The following WDR72 variants were observed in gnomAD, a reference collection of about 807,000 sequenced individuals.
The protein encoded by WDR72 is WD repeat-containing protein 72.
Under a neutral mutation model 124.2 loss-of-function variants are expected in WDR72, and 120 were observed. That is an observed-to-expected ratio of 0.97 (90% CI 0.83 to 1.12). The LOEUF (loss-of-function observed/expected upper bound fraction) is 1.12, where lower values mean the gene tolerates loss of function less well. WDR72 is among the 50% of genes most tolerant of loss of function. The pLI is 0.00. For missense variants in WDR72, 1,387 were observed against 1,278.8 expected, an observed-to-expected ratio of 1.08 and a Z score of -1.29; for synonymous variants, 452 against 441.7, an observed-to-expected ratio of 1.02 and a Z score of -0.29.
rs532441166 is a variant in WDR72 at position 53,531,194 on chromosome 15, T to C, written c.3149-7872A>G. ...TACTCTGAATGTGACTTATTTTTAT[T>C]TGAATGACATCAAAGTGGTATGTTA... On this transcript the variant is annotated intron_variant, in intron 18 of 19. Coordinates refer to ENST00000360509, the MANE Select transcript of WDR72 (RefSeq NM_182758.4). Among the ~76,000 whole-genome samples the C allele has an allele frequency of 7.2e-5, 11 of 152,202 alleles. No homozygotes were observed. The East Asian group carries it at 1.9e-3, about 27-fold the overall frequency.
chr15:53,649,920 T>C (rs1326112504), intron 14 of WDR72, among the ~76,000 whole-genome samples: 1 of 152,154 alleles, frequency 6.6e-6, no homozygotes, highest in African/African-American at 2.4e-5. Context: ...AACTACCATA[T>C]GGTCCAGCAA....
intron 18 of WDR72, among the ~76,000 whole-genome samples, chr15:53,554,366 C>A (rs960521972): frequency 1.3e-5 from 2 of 151,802 alleles, no homozygotes; most frequent in Non-Finnish European, 2.9e-5. Flanking sequence ...TTTAGAGAAA[C>A]CCTCACCATA....
chr15:53,728,065 C>A (rs1008150479), intron 2 of WDR72, among the ~76,000 whole-genome samples: 2 of 152,296 alleles, frequency 1.3e-5, no homozygotes, highest in African/African-American at 4.8e-5. Context: ...TCTGTTTTCA[C>A]ACCGCTGATA....
chr15:53,534,684 A>G (rs571552620), intron 18 of WDR72, among the ~76,000 whole-genome samples: 22 of 152,256 alleles, frequency 1.4e-4, no homozygotes, highest in African/African-American at 5.3e-4. Flanking sequence ...TATATATAAA[A>G]TGTGTCTCCA....
chr15:53,607,112 G>C (rs770513720), intron 17 of WDR72, among the ~76,000 whole-genome samples: 1 of 151,958 alleles, frequency 6.6e-6, no homozygotes, highest in African/African-American at 2.4e-5. Flanking sequence ...TCGAATCAAC[G>C]CACAACTATT....
chr15:53,529,165 T>TA (rs1555404361), intron 18 of WDR72, among the ~76,000 whole-genome samples: 3,147 of 88,826 alleles, frequency 0.035, 143 homozygotes, highest in East Asian at 0.24. Context: ...TATATATATA[T>TA]TTTTTTTTTT....
chr15:53,659,984 A>C (rs2015555338), intron 14 of WDR72, among the ~76,000 whole-genome samples: 1 of 152,086 alleles, frequency 6.6e-6, no homozygotes, highest in Non-Finnish European at 1.5e-5. Context: ...TTACAGAGGA[A>C]AATGACTGTT....
At chr15:53,601,011 A>G (rs906897681) in intron 17 of WDR72, among the ~76,000 whole-genome samples, 2 of 152,170 alleles carry the variant, frequency 1.3e-5, no homozygotes, top group African/African-American at 4.8e-5. Flanking sequence ...CTTAAAGGTA[A>G]ACATTCAACT....
intron 14 of WDR72, among the ~76,000 whole-genome samples, chr15:53,639,083 A>G (rs2014734649): frequency 1.3e-5 from 2 of 152,174 alleles, no homozygotes; most frequent in South Asian, 4.1e-4. Flanking sequence ...TGTAATGGCA[A>G]CATTCTACCA....
intron 11 of WDR72, among the ~76,000 whole-genome samples, chr15:53,704,118 C>A (rs534359132): frequency 6.6e-6 from 1 of 152,302 alleles, no homozygotes; most frequent in African/African-American, 2.4e-5. Context: ...TATACTCACA[C>A]ATCTGTACAG....
intron 17 of WDR72, 98 bp from the exon 18 acceptor site, chr15:53,597,372 G>T: frequency 9.0e-6 from 11 of 1,223,600 alleles, no homozygotes; most frequent in Non-Finnish European, 1.3e-5. Flanking sequence ...ATTTGAATAG[G>T]TTTCCATAAA....
chr15:53,697,253 AC>A lies in WDR72; in HGVS notation c.1765+2496del, dbSNP rs202027059. 5.6e-3 allele frequency among the ~76,000 whole-genome samples: 860 copies of A among 152,284 alleles called. 7 individuals are homozygous for A. Among genetic ancestry groups the A allele is most frequent in the African/African-American group, 0.02 (817 of 41,558 alleles). On this transcript the variant is annotated intron_variant, in intron 13 of 19. Coordinates refer to ENST00000360509, the MANE Select transcript of WDR72 (RefSeq NM_182758.4). ...TCTATCGATTATTGTCCATGTGACA[AC>A]CCACTCCGTCCTTTCCTACCCTTCT...
chr15:53,578,785 T>C (rs1025668414), intron 18 of WDR72, among the ~76,000 whole-genome samples: 9 of 152,112 alleles, frequency 5.9e-5, no homozygotes, highest in Non-Finnish European at 1.0e-4. Context: ...CCCTTTTCTC[T>C]TTCAGCAACT....
intron 17 of WDR72, among the ~76,000 whole-genome samples, chr15:53,606,094 C>T (rs1331542334): frequency 6.6e-6 from 1 of 152,152 alleles, no homozygotes; most frequent in Non-Finnish European, 1.5e-5. Flanking sequence ...CCACAGCCAG[C>T]ATTTCACATA....
chr15:53,745,674 C>T (rs550282947), intron 1 of WDR72, among the ~76,000 whole-genome samples: 4 of 152,204 alleles, frequency 2.6e-5, no homozygotes, highest in South Asian at 4.1e-4. Context: ...ATAGAAAATA[C>T]GTATTTTTCA....
chr15:53,549,587 C>G (rs1893640431), intron 18 of WDR72, among the ~76,000 whole-genome samples: 1 of 152,040 alleles, frequency 6.6e-6, no homozygotes, highest in South Asian at 2.1e-4. Context: ...GCTTCAAAAA[C>G]AAGCTGATTT....
chr15:53,643,206 T>C (rs2140415013), intron 14 of WDR72, among the ~76,000 whole-genome samples: 1 of 152,288 alleles, frequency 6.6e-6, no homozygotes, highest in Non-Finnish European at 1.5e-5. Flanking sequence ...ATAATAGAAC[T>C]GAAAACTGAT....
At chr15:53,607,582 G>A (rs917444996) in intron 17 of WDR72, among the ~76,000 whole-genome samples, 1 of 152,070 alleles carries the variant, frequency 6.6e-6, no homozygotes, top group African/African-American at 2.4e-5. Context: ...AAACATTGGG[G>A]GAGATCTCCA....
chr15:53,534,545 G>A (rs1311132189), intron 18 of WDR72, among the ~76,000 whole-genome samples: 1 of 151,948 alleles, frequency 6.6e-6, no homozygotes, highest in African/African-American at 2.4e-5. Flanking sequence ...TGTTCTCACA[G>A]GACATCCCAT....
Sources: gnomAD v4.1 joint callset for allele counts (sites outside exome capture counted in the v4.1 genomes callset) on GRCh38, gnomAD v4.1.1 for gene constraint, MANE v1.5 for transcripts, NCBI Gene and HGNC (gene_info 2026-07-23, HGNC 2026-07-21) for gene names.